Variants in USP50 observed in about 807,000 individuals in gnomAD.
The protein encoded by USP50 is ubiquitin specific peptidase 50, also known as ubiquitin carboxyl-terminal hydrolase 50.
USP50 carries 37 observed loss-of-function variants against 39.2 expected under a neutral mutation model. The observed-to-expected ratio is 0.94, with a 90% CI of 0.73 to 1.24. The LOEUF is 1.24. Among genes scored for constraint, USP50 ranks in the 50% most tolerant of loss-of-function variants. The pLI, the probability that USP50 is intolerant of heterozygous loss-of-function variation, is 0.00. For synonymous variants in USP50, 139 were observed against 144.5 expected (o/e 0.96, Z 0.27); for missense variants, 374 against 398.2 (o/e 0.94, Z 0.52).
intron 5 of USP50, among the ~76,000 whole-genome samples, chr15:50,538,074 G>A (rs1453599874): frequency 2.6e-5 from 4 of 151,256 alleles, no homozygotes; most frequent in Non-Finnish European, 3.0e-5. Flanking sequence ...CAAGAGATCA[G>A]ACCATCGTGG....
intron 5 of USP50, among the ~76,000 whole-genome samples, 178 bp downstream of exon 5, chr15:50,538,531 T>C (rs1249174355): frequency 6.6e-6 from 1 of 152,142 alleles, no homozygotes; most frequent in African/African-American, 2.4e-5. Context: ...TTATAATTGC[T>C]AAAATGGCAC....
At chr15:50,534,453 C>T (rs552868594) in intron 5 of USP50, among the ~76,000 whole-genome samples, 12 of 152,112 alleles carry the variant, frequency 7.9e-5, no homozygotes, top group African/African-American at 2.9e-4. Flanking sequence ...AACAGGAACA[C>T]CAAGAACAAG....
At chr15:50,508,174 A>G (rs1255346129) in intron 6 of USP50, 1 of 152,068 alleles carries the variant, frequency 6.6e-6, no homozygotes, top group African/African-American at 2.4e-5. Context: ...ACAAAAAATC[A>G]ATACTTTTGG....
chr15:50,493,716 C>T, downstream of USP50: 6 of 377,838 alleles, frequency 1.6e-5, no homozygotes, highest in South Asian at 1.2e-4. Flanking sequence ...CTATACTCCA[C>T]CAGCCTGGGT....
Position 50,543,789 on chromosome 15 carries a change from A to C in USP50, c.253T>G (p.Cys85Gly), listed in dbSNP as rs150735607. 3.7e-4 allele frequency: 598 copies of C among 1,606,010 alleles called. 3 individuals are homozygous for C. The African/African-American group carries it at 7.1e-3, about 19-fold the overall frequency. Reference protein sequence around the residue: ...GKYITALQNDCSEVATAFAYL... With the variant: ...GKYITALQNDGSEVATAFAYL... ...GCAAAAGCAGTGGCAACTTCACTGC[A>C]ATCGCTTGGAAGAAGAAAGGGATAT... Residue 85 changes from cysteine (C) to glycine (G), a missense_variant, in exon 3 of 7, where the codon TGC becomes GGC. Coordinates refer to ENST00000532404, the MANE Select transcript of USP50 (RefSeq NM_203494.5).
downstream of USP50, chr15:50,495,993 A>G (rs2052385692): frequency 6.2e-7 from 1 of 1,614,062 alleles, no homozygotes. Flanking sequence ...TCTACAGTAC[A>G]GTGCCTCACA....
At chr15:50,531,155 G>A (rs1352424858) in intron 5 of USP50, among the ~76,000 whole-genome samples, 1 of 152,084 alleles carries the variant, frequency 6.6e-6, no homozygotes, top group Admixed American at 6.6e-5. Flanking sequence ...CAGAAAGCAA[G>A]ATACCCTGTT....
chr15:50,525,626 ATG>A (rs1157551318), intron 6 of USP50, among the ~76,000 whole-genome samples: 1 of 121,988 alleles, frequency 8.2e-6, no homozygotes, highest in East Asian at 2.2e-4. Context: ...ATATATGTAT[ATG>A]TATATATGTA....
rs556404133 is a variant in USP50 at position 50,520,305 on chromosome 15, CT to C, written c.936+9491del. On this transcript the variant is annotated intron_variant, in intron 6 of 6. Coordinates refer to ENST00000532404, the MANE Select transcript of USP50 (RefSeq NM_203494.5). ...TAGCCTTGGGCAACAGAGAGAGACC[CT>C]TTTTTTTTTTTTGAGATAGGGTTTC... is the stretch of plus-strand genomic sequence containing the variant. 1.8e-3 allele frequency among the ~76,000 whole-genome samples: 265 copies of C among 144,624 alleles called. 2 individuals carry two copies. The Middle Eastern group carries it at 0.021, about 12-fold the overall frequency. The allele number at this position is 144,624 out of a possible 152,430, so 94.9% of individuals were successfully genotyped here.
Position 50,523,858 on chromosome 15 carries a change from C to T in USP50, c.936+5939G>A, listed in dbSNP as rs371918540. Among the ~76,000 whole-genome samples, 16 of 152,260 alleles carry T rather than the reference C, an allele frequency of 1.1e-4. No individual in the cohort carries two copies. The East Asian group carries it at 1.2e-3, about 11-fold the overall frequency. ...GCCAAAAGAACAAAGCTGGATGCATCGCACTCCCTGATTTCAAAATATGTT... is the reference window on the plus strand; with the variant it reads ...GCCAAAAGAACAAAGCTGGATGCATTGCACTCCCTGATTTCAAAATATGTT... On this transcript the variant is annotated intron_variant, in intron 6 of 6. Coordinates refer to ENST00000532404, the MANE Select transcript of USP50 (RefSeq NM_203494.5).
intron 6 of USP50, chr15:50,505,453 A>T (rs943880019): frequency 6.6e-6 from 1 of 152,212 alleles, no homozygotes; most frequent in Non-Finnish European, 1.5e-5. Context: ...TGAATTAAAG[A>T]CTTCTCAAAG....
downstream of USP50, chr15:50,496,011 A>G (rs780357836): frequency 2.5e-6 from 4 of 1,614,066 alleles, no homozygotes; most frequent in South Asian, 3.3e-5. Context: ...ACATGTCACA[A>G]AAAGTCTAGG....
chr15:50,517,323 T>G (rs143442227), intron 6 of USP50, among the ~76,000 whole-genome samples: 2,229 of 150,632 alleles, frequency 0.015, 57 homozygotes, highest in African/African-American at 0.051. Context: ...ATACAAAAAA[T>G]TAGCCAGGTG....
At chr15:50,520,101 T>C (rs1396054875) in intron 6 of USP50, among the ~76,000 whole-genome samples, 1 of 151,836 alleles carries the variant, frequency 6.6e-6, no homozygotes, top group Non-Finnish European at 1.5e-5. Context: ...AGGCCAGTAA[T>C]TGGAGACCAG....
rs892833984 is a variant in USP50, at chr15:50,542,183, T to A, written c.445-919A>T. ...GGGCACACCCTGAATTTTCAGTGAT[T>A]TAAGAGCCTCAGTGGAATATACATT... is the stretch of plus-strand genomic sequence containing the variant. On this transcript the variant is annotated intron_variant, in intron 3 of 6. Transcript: ENST00000532404. 6.6e-5 allele frequency among the ~76,000 whole-genome samples: 10 copies of A among 152,292 alleles called. No homozygotes were observed. The South Asian group carries it at 2.1e-3, about 32-fold the overall frequency.
chr15:50,538,432 G>A (rs931549740), intron 5 of USP50, among the ~76,000 whole-genome samples: 1 of 152,128 alleles, frequency 6.6e-6, no homozygotes, highest in African/African-American at 2.4e-5. Flanking sequence ...AAAGGTTACA[G>A]AGTTTCTGTG....
intron 6 of USP50, among the ~76,000 whole-genome samples, chr15:50,520,630 A>C (rs1219000032): frequency 6.6e-6 from 1 of 152,040 alleles, no homozygotes; most frequent in Non-Finnish European, 1.5e-5. Flanking sequence ...CCCGCCAAAA[A>C]AAAGGAATAT....
intron 6 of USP50, chr15:50,505,876 A>C (rs2052651133): frequency 1.3e-5 from 2 of 152,306 alleles, no homozygotes; most frequent in African/African-American, 4.8e-5. Context: ...AGGATCCCTT[A>C]AGCCCAGAGT....
intron 5 of USP50, among the ~76,000 whole-genome samples, chr15:50,531,226 G>A (rs939120188): frequency 2.6e-5 from 4 of 152,124 alleles, no homozygotes; most frequent in Non-Finnish European, 1.5e-5. Flanking sequence ...ATCATCCCAA[G>A]AGAAATGAAG....
Sources: allele counts gnomAD v4.1 joint callset (sites outside exome capture counted in the v4.1 genomes callset), GRCh38; gene constraint gnomAD v4.1.1; transcripts MANE v1.5; gene names NCBI Gene and HGNC (gene_info 2026-07-23, HGNC 2026-07-21).